Variants in GRM7 observed in about 807,000 individuals in gnomAD.
GRM7 encodes glutamate metabotropic receptor 7, also known as metabotropic glutamate receptor 7.
In GRM7, 35 loss-of-function variants were observed where a neutral mutation model predicts 84.5. The ratio of observed to expected loss-of-function variants is 0.41; its 90% confidence interval spans 0.32 to 0.55. The LOEUF is 0.55. Among genes scored for constraint, GRM7 ranks in the 20% least tolerant of loss-of-function variants. The pLI, the probability that GRM7 is intolerant of heterozygous loss-of-function variation, is 0.19. For synonymous variants in GRM7, 487 were observed against 455.1 expected, an observed-to-expected ratio of 1.07 and a Z score of -0.89; for missense variants, 1,003 against 1,194.6, an observed-to-expected ratio of 0.84 and a Z score of 2.36.
At chr3:7,573,125 C>T (rs1386778085) in intron 7 of GRM7, among the ~76,000 whole-genome samples, 2 of 151,768 alleles carry the variant, frequency 1.3e-5, no homozygotes, top group East Asian at 2.0e-4. Flanking sequence ...CCTCACCCCT[C>T]CTCATCAGAA....
chr3:7,256,656 C>CAA (rs973270695), intron 2 of GRM7, among the ~76,000 whole-genome samples: 3 of 151,658 alleles, frequency 2.0e-5, no homozygotes, highest in East Asian at 3.9e-4. Flanking sequence ...TACACACACA[C>CAA]ACAAAAAATG....
At chr3:7,521,226 G>C (rs541165655) in intron 7 of GRM7, among the ~76,000 whole-genome samples, 3 of 152,200 alleles carry the variant, frequency 2.0e-5, no homozygotes, top group African/African-American at 7.2e-5. Context: ...TCTTTTCCCA[G>C]GTTCCCAGTG....
At chr3:7,139,832 A>G (rs1469609300) in intron 1 of GRM7, among the ~76,000 whole-genome samples, 2 of 152,048 alleles carry the variant, frequency 1.3e-5, no homozygotes, top group Admixed American at 6.6e-5. Context: ...GCTTCATCAA[A>G]CTAAAAAGTT....
intron 7 of GRM7, among the ~76,000 whole-genome samples, chr3:7,571,500 C>T (rs1277578159): frequency 6.6e-6 from 1 of 152,168 alleles, no homozygotes; most frequent in Non-Finnish European, 1.5e-5. Context: ...AAGAATCACC[C>T]TTGCTCCAGT....
At chr3:7,577,476 T>G (rs977526552) in intron 7 of GRM7, among the ~76,000 whole-genome samples, 3 of 152,150 alleles carry the variant, frequency 2.0e-5, no homozygotes, top group African/African-American at 7.2e-5. Context: ...TCTGAGGAAC[T>G]GATACCGGGG....
Position 7,541,676 on chromosome 3 carries a change from G to A in GRM7, c.1516-36746G>A, listed in dbSNP as rs59388036. ...GTATTGTGACAACCTTAATCCAATCGACGATCTCAGCTACTACAAATCTCC... is the reference window on the plus strand; with the variant it reads ...GTATTGTGACAACCTTAATCCAATCAACGATCTCAGCTACTACAAATCTCC... On this transcript the variant is annotated intron_variant, in intron 7 of 9. Transcript: ENST00000357716. 2.6e-5 allele frequency among the ~76,000 whole-genome samples: 4 copies of A among 152,192 alleles called. No homozygotes were observed. In the East Asian group the frequency reaches 7.7e-4, roughly 29 times the overall value.
intron 1 of GRM7, among the ~76,000 whole-genome samples, chr3:7,023,244 C>A (rs2648698): frequency 6.6e-6 from 1 of 152,044 alleles, no homozygotes; most frequent in South Asian, 2.1e-4. Flanking sequence ...TTTGATGAGA[C>A]CCCAAGGGAG....
intron 1 of GRM7, among the ~76,000 whole-genome samples, chr3:7,031,705 G>A (rs954090394): frequency 1.3e-5 from 2 of 152,120 alleles, no homozygotes; most frequent in Admixed American, 6.5e-5. Context: ...ATTGTACGTT[G>A]ATTGTATGTT....
chr3:7,348,250 A>G (rs1188690479), intron 4 of GRM7, among the ~76,000 whole-genome samples: 1 of 151,836 alleles, frequency 6.6e-6, no homozygotes, highest in Non-Finnish European at 1.5e-5. Flanking sequence ...TGACACTTTG[A>G]TCTCCATTAT....
chr3:6,875,982 G>A (rs546342174), intron 1 of GRM7, among the ~76,000 whole-genome samples: 1 of 152,236 alleles, frequency 6.6e-6, no homozygotes, highest in South Asian at 2.1e-4. Flanking sequence ...GAAAGTTATG[G>A]CATGGCCGGG....
intron 9 of GRM7, among the ~76,000 whole-genome samples, chr3:7,715,704 C>T (rs997379967): frequency 4.6e-5 from 7 of 152,102 alleles, no homozygotes; most frequent in African/African-American, 1.7e-4. Context: ...CAGTAAATCA[C>T]AGAACAGGGA....
At chr3:7,039,866 T>C (rs974193330) in intron 1 of GRM7, among the ~76,000 whole-genome samples, 51 of 152,186 alleles carry the variant, frequency 3.4e-4, no homozygotes, top group Non-Finnish European at 4.4e-5. Context: ...TTTTAGAATG[T>C]TTATGAGTAG....
chr3:7,656,475 G>A (rs1475400786), intron 8 of GRM7, among the ~76,000 whole-genome samples: 5 of 150,492 alleles, frequency 3.3e-5, no homozygotes, highest in South Asian at 2.1e-4. Flanking sequence ...CAGTCTGGGC[G>A]ACAGAGCAAG....
intron 1 of GRM7, among the ~76,000 whole-genome samples, chr3:7,008,490 T>G (rs1263137665): frequency 6.6e-6 from 1 of 152,202 alleles, no homozygotes; most frequent in Admixed American, 6.5e-5. Flanking sequence ...GAAAACTCTC[T>G]TCAACCAGGA....
At chr3:7,303,901 T>A (rs997968691) in intron 3 of GRM7, among the ~76,000 whole-genome samples, 1 of 151,546 alleles carries the variant, frequency 6.6e-6, no homozygotes, top group South Asian at 2.1e-4. Flanking sequence ...TTGAATTATT[T>A]CCTCATTTTG....
intron 2 of GRM7, among the ~76,000 whole-genome samples, chr3:7,226,087 C>A (rs530608587): frequency 2.0e-5 from 3 of 152,262 alleles, no homozygotes; most frequent in African/African-American, 7.2e-5. Context: ...TATGCCTACT[C>A]TCTGATAGGT....
intron 1 of GRM7, among the ~76,000 whole-genome samples, chr3:6,920,655 C>T (rs962858846): frequency 2.0e-5 from 3 of 152,110 alleles, no homozygotes; most frequent in African/African-American, 7.2e-5. Context: ...ATTTTACTCT[C>T]ATGAGTTGCC....
chr3:7,583,153 C>T (rs1695342639), intron 8 of GRM7, among the ~76,000 whole-genome samples: 1 of 152,136 alleles, frequency 6.6e-6, no homozygotes, highest in Admixed American at 6.5e-5. Context: ...AGCATCAGTC[C>T]CAAGGCTTGG....
chr3:7,391,658 T>C (rs1325475511), intron 4 of GRM7, among the ~76,000 whole-genome samples: 3 of 151,714 alleles, frequency 2.0e-5, no homozygotes, highest in African/African-American at 7.3e-5. Flanking sequence ...TGTATACATA[T>C]GTAACAAACC....
Sources: gnomAD v4.1 joint callset for allele counts (sites outside exome capture counted in the v4.1 genomes callset) on GRCh38, gnomAD v4.1.1 for gene constraint, MANE v1.5 for transcripts, NCBI Gene and HGNC (gene_info 2026-07-23, HGNC 2026-07-21) for gene names.